The following PDE1C variants were observed in gnomAD, a reference collection of about 807,000 sequenced individuals.
PDE1C encodes phosphodiesterase 1C, also known as dual specificity calcium/calmodulin-dependent 3',5'-cyclic nucleotide phosphodiesterase 1C.
Under a neutral mutation model 93.1 loss-of-function variants are expected in PDE1C, and 62 were observed. The ratio of observed to expected loss-of-function variants is 0.67; its 90% confidence interval spans 0.54 to 0.82. The LOEUF is 0.82. Ranked by LOEUF, PDE1C falls within the 40% of genes least tolerant of loss-of-function variation. The probability of loss-of-function intolerance (pLI) is 0.00; values close to 1 mark genes in which losing one functional copy is unlikely to be tolerated. For missense variants in PDE1C, 742 were observed against 884.6 expected, an observed-to-expected ratio of 0.84 and a Z score of 2.04; for synonymous variants, 325 against 310.1, an observed-to-expected ratio of 1.05 and a Z score of -0.50.
At chr7:32,379,204 C>T (rs560340707) in intron 1 of PDE1C, among the ~76,000 whole-genome samples, 1 of 152,300 alleles carries the variant, frequency 6.6e-6, no homozygotes, top group East Asian at 1.9e-4. Flanking sequence ...CTGTGACACC[C>T]TTGAGGGCAT....
At chr7:31,667,755 C>T in the PDE1C span, among the ~76,000 whole-genome samples, 1 of 151,704 alleles carries the variant, frequency 6.6e-6, no homozygotes, top group Non-Finnish European at 1.5e-5. Context: ...ATGGCTCTGT[C>T]ATTGGGGTTG....
At chr7:32,108,856 T>G (rs1040585288) in intron 3 of PDE1C, among the ~76,000 whole-genome samples, 3 of 152,238 alleles carry the variant, frequency 2.0e-5, no homozygotes, top group Non-Finnish European at 2.9e-5. Flanking sequence ...AAATGGTATC[T>G]GAGTCACTCA....
chr7:31,635,420 C>T, the PDE1C span, among the ~76,000 whole-genome samples: 1 of 152,216 alleles, frequency 6.6e-6, no homozygotes, highest in Non-Finnish European at 1.5e-5. Flanking sequence ...TAAGCCTCTA[C>T]ACCTGAGAGA....
the PDE1C span, among the ~76,000 whole-genome samples, chr7:31,731,396 T>A: frequency 7.0e-6 from 1 of 141,884 alleles, no homozygotes; most frequent in African/African-American, 2.5e-5. Flanking sequence ...GAATTGGCAC[T>A]TTTTTTGAGA....
intron 1 of PDE1C, among the ~76,000 whole-genome samples, chr7:32,251,844 G>A (rs986719296): frequency 1.3e-5 from 2 of 152,120 alleles, no homozygotes; most frequent in Non-Finnish European, 2.9e-5. Context: ...ACAAAGGTTG[G>A]CCATGGCCAT....
downstream of PDE1C, among the ~76,000 whole-genome samples, chr7:31,746,280 GA>G (rs747531683): frequency 1.3e-5 from 2 of 152,190 alleles, no homozygotes; most frequent in Non-Finnish European, 2.9e-5. Context: ...TGACAAATGT[GA>G]AGATGGATTT....
chr7:31,855,386 T>C (rs918234126), intron 7 of PDE1C, among the ~76,000 whole-genome samples: 1 of 152,156 alleles, frequency 6.6e-6, no homozygotes, highest in Admixed American at 6.5e-5. Context: ...ACTTGTGTGA[T>C]TACATTGGGC....
upstream of PDE1C, among the ~76,000 whole-genome samples, chr7:32,303,731 T>C (rs575292497): frequency 5.9e-5 from 9 of 152,300 alleles, no homozygotes; most frequent in South Asian, 1.7e-3. Context: ...CCAAATTCTA[T>C]TTCCACAAAG....
At chr7:31,887,426 A>G (rs764118870) in intron 2 of PDE1C, among the ~76,000 whole-genome samples, 4 of 152,214 alleles carry the variant, frequency 2.6e-5, no homozygotes, top group Non-Finnish European at 5.9e-5. Flanking sequence ...AGATGCACAC[A>G]TGGATTGAAA....
chr7:31,758,373 C>A (rs1794610456), intron 17 of PDE1C, among the ~76,000 whole-genome samples: 1 of 152,108 alleles, frequency 6.6e-6, no homozygotes, highest in Non-Finnish European at 1.5e-5. Context: ...CCCATACTCC[C>A]AAGTATGCCT....
chr7:32,204,338 A>G (rs1406754322), intron 2 of PDE1C, among the ~76,000 whole-genome samples: 1 of 152,220 alleles, frequency 6.6e-6, no homozygotes, highest in Non-Finnish European at 1.5e-5. Flanking sequence ...GTGAAACCGC[A>G]GATAAGGGAG....
chr7:32,281,312 C>T lies in PDE1C; in HGVS notation c.85+17339G>A, dbSNP rs185619234. On this transcript the variant is annotated intron_variant, in intron 1 of 18. Coordinates refer to the PDE1C transcript ENST00000396193. ...TAAAAATTTAACATCTGAACATAAA[C>T]AAGGCTAAAATGCCTATTTGCAAAC... Among the ~76,000 whole-genome samples, 68 of 152,218 alleles carry T rather than the reference C, an allele frequency of 4.5e-4. 1 individual carries two copies. The highest frequency in any genetic ancestry group is 1.6e-3 in the African/African-American group (67 of 41,558).
At chr7:31,720,390 C>T in the PDE1C span, among the ~76,000 whole-genome samples, 80 of 152,294 alleles carry the variant, frequency 5.3e-4, no homozygotes, top group Middle Eastern at 0.014. Flanking sequence ...CTCCGAGCTT[C>T]CCTTCCACTG....
In PDE1C at chr7:31,974,457, T is replaced by C. The variant is rs545981450; in HGVS notation, c.128+77097A>G. On this transcript the variant is annotated intron_variant, in intron 2 of 17. Coordinates refer to ENST00000396191, the MANE Select transcript of PDE1C (RefSeq NM_001191057.4). ...TGGGACCATTTGCAGAAATGTGGTT[T>C]CCTGTGAACTAAGAGAAAGCTGAAG... Among the ~76,000 whole-genome samples, 19 of 152,326 alleles carry C rather than the reference T, an allele frequency of 1.2e-4. No homozygotes were observed. In the South Asian group the frequency reaches 3.9e-3, roughly 32 times the overall value.
At chr7:31,956,203 C>T (rs1808115411) in intron 2 of PDE1C, among the ~76,000 whole-genome samples, 1 of 152,072 alleles carries the variant, frequency 6.6e-6, no homozygotes, top group Admixed American at 6.5e-5. Flanking sequence ...AAGTGATTCT[C>T]CTGCCTCAGC....
intron 1 of PDE1C, among the ~76,000 whole-genome samples, chr7:32,370,609 G>A (rs1026850360): frequency 2.0e-5 from 3 of 151,468 alleles, no homozygotes; most frequent in African/African-American, 7.3e-5. Context: ...GACACAGGGT[G>A]GAGAACATCA....
In PDE1C at chr7:32,321,055, A is replaced by C. The variant is rs979385784; in HGVS notation, c.310+106767T>G. On this transcript the variant is annotated intron_variant, in intron 1 of 1. Transcript: ENST00000672256. ...TCACAATCCAATCCTGATCCCTGTG[A>C]TACAGCAGTCCCCCATCTCTTGCTC... 3.3e-5 allele frequency among the ~76,000 whole-genome samples: 5 copies of C among 152,366 alleles called. No homozygotes were observed. The South Asian group carries it at 8.3e-4, about 25-fold the overall frequency.
chr7:31,713,256 C>T, the PDE1C span, among the ~76,000 whole-genome samples: 2 of 152,162 alleles, frequency 1.3e-5, no homozygotes, highest in Admixed American at 6.5e-5. Context: ...CAAAGGTGCT[C>T]CAGGGCCCAT....
chr7:31,657,607 C>A, the PDE1C span, among the ~76,000 whole-genome samples: 1 of 152,156 alleles, frequency 6.6e-6, no homozygotes, highest in Non-Finnish European at 1.5e-5. Context: ...TGGCAAGAGC[C>A]CTTCTGCAGT....
Sources: allele counts gnomAD v4.1 joint callset (sites outside exome capture counted in the v4.1 genomes callset), GRCh38; gene constraint gnomAD v4.1.1; transcripts MANE v1.5; gene names NCBI Gene and HGNC (gene_info 2026-07-23, HGNC 2026-07-21).